Variants in ZNF407 observed in about 807,000 individuals in gnomAD.
ZNF407 encodes the protein zinc finger protein 407.
Under a neutral mutation model 131.2 loss-of-function variants are expected in ZNF407, and 17 were observed. The ratio of observed to expected loss-of-function variants is 0.13; its 90% CI spans 0.09 to 0.19. The LOEUF (loss-of-function observed/expected upper bound fraction) is 0.19, where lower values mean the gene tolerates loss of function less well. Among genes scored for constraint, ZNF407 ranks in the 10% least tolerant of loss-of-function variants. The pLI, the probability that ZNF407 is intolerant of heterozygous loss-of-function variation, is 1.00. For missense variants in ZNF407, 2,681 were observed against 2,830.6 expected (o/e 0.95, Z 1.20); for synonymous variants, 1,156 against 1,062.0 (o/e 1.09, Z -1.72).
intron 7 of ZNF407, among the ~76,000 whole-genome samples, chr18:74,895,040 C>T (rs191069629): frequency 5.9e-5 from 9 of 152,010 alleles, no homozygotes; most frequent in Non-Finnish European, 1.2e-4. Flanking sequence ...GTCTGTATCT[C>T]GTGGAGCAGA....
intron 8 of ZNF407, among the ~76,000 whole-genome samples, chr18:75,006,755 A>T (rs1442322473): frequency 6.6e-6 from 1 of 151,890 alleles, no homozygotes; most frequent in Non-Finnish European, 1.5e-5. Context: ...CTATATCCTC[A>T]CTAATTTGTC....
Position 74,632,433 on chromosome 18 carries a change from G to T in ZNF407, c.1414G>T (p.Asp472Tyr), listed in dbSNP as rs199633454. 4 of 1,613,888 alleles carry T rather than the reference G, an allele frequency of 2.5e-6. No homozygotes were observed. Among genetic ancestry groups the T allele is most frequent in the East Asian group, 2.2e-5 (1 of 44,902 alleles). Reference protein sequence around the residue: ...KHLRTQMKTHDAESVLKHLEA... With the variant: ...KHLRTQMKTHYAESVLKHLEA... ...CTTGAGAACACAGATGAAAACACAC[G>T]ATGCAGAATCAGTGCTGAAACACCT... is the stretch of plus-strand genomic sequence containing the variant. Residue 472 changes from aspartate to tyrosine, a missense_variant, in exon 2 of 9, where the codon GAT becomes TAT. Asp to Tyr is a radical substitution (Grantham distance 160). Transcript: ENST00000299687.
At chr18:74,909,401 G>A (rs1391207120) in intron 7 of ZNF407, among the ~76,000 whole-genome samples, 4 of 152,076 alleles carry the variant, frequency 2.6e-5, no homozygotes, top group African/African-American at 9.7e-5. Flanking sequence ...TCCTCATGAT[G>A]GCATTCTGAG....
At chr18:74,921,093 A>T in intron 8 of ZNF407, 1 of 835,918 alleles carries the variant, frequency 1.2e-6, no homozygotes, top group Non-Finnish European at 1.4e-6. Flanking sequence ...ATCATCTTCT[A>T]GTGAATGCCT....
intron 3 of ZNF407, among the ~76,000 whole-genome samples, chr18:74,688,995 A>G (rs1967159809): frequency 6.6e-6 from 1 of 151,770 alleles, no homozygotes; most frequent in African/African-American, 2.4e-5. Flanking sequence ...TGCCCGGGTA[A>G]TTTTTCTATT....
intron 8 of ZNF407, among the ~76,000 whole-genome samples, chr18:75,006,058 C>A (rs556837539): frequency 6.6e-6 from 1 of 152,168 alleles, no homozygotes; most frequent in Non-Finnish European, 1.5e-5. Flanking sequence ...CTGAGAGAGG[C>A]ATGTCGGATG....
At chr18:74,802,946 C>G (rs1970045589) in intron 4 of ZNF407, among the ~76,000 whole-genome samples, 1 of 151,606 alleles carries the variant, frequency 6.6e-6, no homozygotes, top group African/African-American at 2.4e-5. Flanking sequence ...TTTTTTTTAA[C>G]TTTGCCAGTG....
intron 4 of ZNF407, among the ~76,000 whole-genome samples, chr18:74,835,629 G>GTGTGTGTGT (rs1555693408): frequency 6.5e-5 from 6 of 92,144 alleles, no homozygotes; most frequent in African/African-American, 1.2e-4. Context: ...GACAGAGGGG[G>GTGTGTGTGT]GTGTGTGTGT....
intron 3 of ZNF407, among the ~76,000 whole-genome samples, chr18:74,704,411 G>T (rs4616367): frequency 0.69 from 105,126 of 151,918 alleles, 37,258 homozygotes; most frequent in East Asian, 0.85. Flanking sequence ...GAAAATGAAG[G>T]GAAAAAGGCC....
chr18:74,991,203 A>G (rs1013902776), intron 8 of ZNF407, among the ~76,000 whole-genome samples: 4 of 152,252 alleles, frequency 2.6e-5, no homozygotes, highest in African/African-American at 7.2e-5. Flanking sequence ...TAGCACGCAG[A>G]TAAAACCTGG....
chr18:74,899,551 A>C (rs1971496018), intron 7 of ZNF407, among the ~76,000 whole-genome samples: 1 of 152,210 alleles, frequency 6.6e-6, no homozygotes, highest in Non-Finnish European at 1.5e-5. Context: ...TGATGTCCAA[A>C]TGAAACCAGG....
chr18:74,767,201 C>T (rs898266487), intron 3 of ZNF407, among the ~76,000 whole-genome samples: 11 of 152,202 alleles, frequency 7.2e-5, no homozygotes, highest in Admixed American at 3.9e-4. Flanking sequence ...TGTGAGCTAC[C>T]GTGCCTGGTC....
chr18:74,860,000 C>T (rs1311587719), intron 4 of ZNF407, among the ~76,000 whole-genome samples: 1 of 152,150 alleles, frequency 6.6e-6, no homozygotes, highest in Non-Finnish European at 1.5e-5. Context: ...TACTGCCTAG[C>T]TTTGTCTTAT....
At chr18:74,983,291 T>C (rs1314138036) in intron 8 of ZNF407, among the ~76,000 whole-genome samples, 1 of 152,234 alleles carries the variant, frequency 6.6e-6, no homozygotes, top group Non-Finnish European at 1.5e-5. Context: ...GTGTTCTCAC[T>C]TGGGGGTATG....
At chr18:74,651,002 C>G (rs1461747675) in intron 3 of ZNF407, among the ~76,000 whole-genome samples, 2 of 151,772 alleles carry the variant, frequency 1.3e-5, no homozygotes, top group African/African-American at 2.4e-5. Flanking sequence ...GACTGTAGCT[C>G]AAGGGTAAAG....
rs1984304105 is a variant in ZNF407, at chr18:74,634,159, A to G, written c.3140A>G (p.Tyr1047Cys). 1.9e-5 allele frequency: 30 copies of G among 1,614,064 alleles called. No homozygotes were observed. The highest frequency in any genetic ancestry group is 2.5e-5 in the Non-Finnish European group (29 of 1,179,912). The change falls in exon 2 of 9, where the codon TAT becomes TGT. Residue 1047 changes from tyrosine (Y) to cysteine (C), a missense_variant. Transcript: ENST00000299687. Reference sequence around the variant, plus strand: ...AAACATACAAAAGAGTTTGAGTTTTATTGCATGGCATGCGATTACTACGCG... The same window carrying G: ...AAACATACAAAAGAGTTTGAGTTTTGTTGCATGGCATGCGATTACTACGCG... ...KRKHTKEFEFYCMACDYYAVT... is the reference protein window; with the variant it reads ...KRKHTKEFEFCCMACDYYAVT...
chr18:74,979,166 C>T (rs1972560217), intron 8 of ZNF407, among the ~76,000 whole-genome samples: 5 of 152,086 alleles, frequency 3.3e-5, no homozygotes. Flanking sequence ...CCTGTACCCG[C>T]TTCCTACACA....
At chr18:74,627,506 T>C (rs181429757) in intron 1 of ZNF407, among the ~76,000 whole-genome samples, 8 of 152,304 alleles carry the variant, frequency 5.3e-5, no homozygotes, top group Non-Finnish European at 1.2e-4. Context: ...TGCTCTTCTT[T>C]TTTGGTTAGA....
In ZNF407 at chr18:74,626,635, G is replaced by A. The variant is rs929850524; in HGVS notation, c.-53-4332G>A. Reference sequence around the variant, plus strand: ...CAGCTTTCTTGTAATAGCAACAAAAGGAAACAGCCCTAATGTCTATCAGCA... The same window carrying A: ...CAGCTTTCTTGTAATAGCAACAAAAAGAAACAGCCCTAATGTCTATCAGCA... On this transcript the variant is annotated intron_variant, in intron 1 of 8. Transcript: ENST00000299687. Among the ~76,000 whole-genome samples, 16 of 152,110 alleles carry A rather than the reference G, an allele frequency of 1.1e-4. 1 individual carries two copies. Among genetic ancestry groups the A allele is most frequent in the African/African-American group, 3.9e-4 (16 of 41,412 alleles).
Sources: gnomAD v4.1 joint callset for allele counts (sites outside exome capture counted in the v4.1 genomes callset) on GRCh38, gnomAD v4.1.1 for gene constraint, MANE v1.5 for transcripts, NCBI Gene and HGNC (gene_info 2026-07-23, HGNC 2026-07-21) for gene names.